The following SLC35F4 variants were observed in gnomAD, a reference collection of about 807,000 sequenced individuals.
SLC35F4 encodes solute carrier family 35 member F4.
SLC35F4 carries 24 observed loss-of-function variants against 44.2 expected under a neutral mutation model. That is an observed-to-expected ratio of 0.54 (90% CI 0.39 to 0.76). The LOEUF (loss-of-function observed/expected upper bound fraction) is 0.76. Among genes scored for constraint, SLC35F4 ranks in the 30% least tolerant of loss-of-function variants. The pLI, the probability that SLC35F4 is intolerant of heterozygous loss-of-function variation, is 0.00. For synonymous variants in SLC35F4, 238 were observed against 223.6 expected (o/e 1.06, Z -0.57); for missense variants, 562 against 586.1 (o/e 0.96, Z 0.42).
Position 57,569,821 on chromosome 14 carries a change from C to T in SLC35F4, c.1093G>A (p.Gly365Ser). The T allele has an allele frequency of 6.2e-7, 1 of 1,610,840 alleles. No individual in the cohort carries two copies. The highest frequency in any genetic ancestry group is 2.2e-5 in the East Asian group (1 of 44,710). Residue 365 changes from glycine to serine, a missense_variant, in exon 6 of 8, where the codon GGC becomes AGC. Gly to Ser is a moderately conservative substitution (Grantham distance 56, BLOSUM62 0). Transcript: ENST00000556826. ...HWSSFAALPW[G>S]CLCGMAGLWL... is the part of the protein sequence containing the mutation. Reference sequence around the variant, plus strand: ...AGCCCTGCCATCCCACAGAGACAGCCCCATGGCAGAGCAGCAAAAGAGGAC... The same window carrying T: ...AGCCCTGCCATCCCACAGAGACAGCTCCATGGCAGAGCAGCAAAAGAGGAC...
At position 57,967,492 on chromosome 14, in the gene SLC35F4, C is replaced by CAACTT. The variant is rs1880908567; in HGVS notation, n.282+14416_282+14420dup. 3.9e-5 allele frequency among the ~76,000 whole-genome samples: 6 copies of CAACTT among 152,330 alleles called. 1 individual carries two copies. The South Asian group carries it at 1.0e-3, about 26-fold the overall frequency. ...GTATCATACTGTACACAGTCTTCTA[C>CAACTT]AACTTAACTTTTTTCTCCATTAGGC... On this transcript the variant is annotated intron_variant and non_coding_transcript_variant, in intron 1 of 1. Transcript: ENST00000556568.
At chr14:57,598,606 C>T (rs1278488547) in intron 1 of SLC35F4, among the ~76,000 whole-genome samples, 1 of 152,176 alleles carries the variant, frequency 6.6e-6, no homozygotes, top group African/African-American at 2.4e-5. Context: ...TCAAATGTCT[C>T]CATGCGAACA....
At chr14:57,798,265 T>A (rs1177636176) in intron 1 of SLC35F4, among the ~76,000 whole-genome samples, 4 of 152,168 alleles carry the variant, frequency 2.6e-5, no homozygotes, top group Non-Finnish European at 5.9e-5. Context: ...CTAGAGGACC[T>A]GAGAGGCTAA....
intron 1 of SLC35F4, among the ~76,000 whole-genome samples, chr14:57,786,001 A>G (rs1483637004): frequency 6.6e-6 from 1 of 152,110 alleles, no homozygotes; most frequent in Non-Finnish European, 1.5e-5. Flanking sequence ...TGGCAGCTGG[A>G]AGACGGGTAA....
intron 1 of SLC35F4, among the ~76,000 whole-genome samples, chr14:57,939,318 C>T (rs533069067): frequency 6.6e-6 from 1 of 152,284 alleles, no homozygotes; most frequent in Admixed American, 6.5e-5. Flanking sequence ...GACCTCAAAG[C>T]AGTCCCTAGA....
In SLC35F4 at chr14:57,647,042, C is replaced by T. The variant is rs76565685; in HGVS notation, c.104-52918G>A. ...TTGCTGAGGAGTGCTTTACTTCCAA[C>T]TATGTGGTCAATTTTGGAATAGGTG... On this transcript the variant is annotated intron_variant, in intron 1 of 7. Transcript: ENST00000556826. 1.1e-3 allele frequency among the ~76,000 whole-genome samples: 169 copies of T among 152,188 alleles called. 3 individuals are homozygous for T. The East Asian group carries it at 0.031, about 28-fold the overall frequency.
chr14:57,952,488 T>C (rs1890159258), intron 1 of SLC35F4, among the ~76,000 whole-genome samples: 1 of 151,916 alleles, frequency 6.6e-6, no homozygotes, highest in African/African-American at 2.4e-5. Context: ...AACAAACTCC[T>C]CTGAGCTAAA....
At chr14:57,864,555 A>T (rs1887960369) in intron 1 of SLC35F4, among the ~76,000 whole-genome samples, 2 of 152,192 alleles carry the variant, frequency 1.3e-5, no homozygotes, top group Non-Finnish European at 2.9e-5. Flanking sequence ...ATGGTAGGGG[A>T]GAAAGTTACA....
intron 1 of SLC35F4, among the ~76,000 whole-genome samples, chr14:57,632,010 ACT>A (rs1470654565): frequency 6.6e-6 from 1 of 152,092 alleles, no homozygotes; most frequent in East Asian, 1.9e-4. Flanking sequence ...GTTCTGAAAT[ACT>A]GTTTGTGGAA....
chr14:57,665,416 C>T (rs2074274486), intron 1 of SLC35F4, among the ~76,000 whole-genome samples: 1 of 152,122 alleles, frequency 6.6e-6, no homozygotes, highest in African/African-American at 2.4e-5. Flanking sequence ...CTTCACAATC[C>T]TATGAGGCAA....
chr14:57,665,017 A>G (rs1289602457), intron 1 of SLC35F4, among the ~76,000 whole-genome samples: 1 of 152,188 alleles, frequency 6.6e-6, no homozygotes, highest in Non-Finnish European at 1.5e-5. Context: ...TGTTTTAACA[A>G]CATGCTTCCA....
chr14:57,839,438 A>G (rs1367169362), intron 1 of SLC35F4, among the ~76,000 whole-genome samples: 1 of 152,222 alleles, frequency 6.6e-6, no homozygotes, highest in Non-Finnish European at 1.5e-5. Flanking sequence ...GCAGAGACAT[A>G]GATGGAGCTG....
intron 1 of SLC35F4, among the ~76,000 whole-genome samples, chr14:57,611,592 A>AC (rs1555360599): frequency 1.3e-4 from 10 of 78,608 alleles, no homozygotes; most frequent in African/African-American, 2.9e-4. Flanking sequence ...AGTTAAAAAA[A>AC]AAAAAACAAA....
At chr14:57,892,399 A>G (rs1888788622) in intron 1 of SLC35F4, among the ~76,000 whole-genome samples, 2 of 152,206 alleles carry the variant, frequency 1.3e-5, no homozygotes, top group Non-Finnish European at 2.9e-5. Flanking sequence ...TCCAGGAGTG[A>G]CAATCTGACT....
intron 3 of SLC35F4, among the ~76,000 whole-genome samples, chr14:57,586,368 AAAAACTCGAGAAG>A (rs1228141523): frequency 6.6e-6 from 1 of 152,172 alleles, no homozygotes; most frequent in Non-Finnish European, 1.5e-5. Context: ...CTAAAACCAT[AAAAACTCGAGAAG>A]AAAACCTAGG....
intron 1 of SLC35F4, among the ~76,000 whole-genome samples, chr14:57,683,772 T>C (rs1287078659): frequency 2.0e-5 from 3 of 152,160 alleles, no homozygotes; most frequent in East Asian, 1.9e-4. Context: ...TCCCTGGTCA[T>C]AGACTAGACT....
chr14:57,676,230 C>T (rs1401087994), intron 1 of SLC35F4, among the ~76,000 whole-genome samples: 3 of 152,064 alleles, frequency 2.0e-5, no homozygotes, highest in Admixed American at 6.6e-5. Context: ...TACATATATA[C>T]CATGGAATAC....
At chr14:57,605,835 T>C (rs1299364093) in intron 1 of SLC35F4, among the ~76,000 whole-genome samples, 2 of 151,830 alleles carry the variant, frequency 1.3e-5, no homozygotes, top group African/African-American at 2.4e-5. Flanking sequence ...CTGAAAACCA[T>C]TATCCTAAGC....
chr14:57,906,123 G>C (rs1169198335), intron 1 of SLC35F4, among the ~76,000 whole-genome samples: 2 of 151,988 alleles, frequency 1.3e-5, no homozygotes, highest in African/African-American at 4.8e-5. Context: ...ACCTTGACAG[G>C]GTATACTTTC....
Sources: allele counts gnomAD v4.1 joint callset (sites outside exome capture counted in the v4.1 genomes callset), GRCh38; gene constraint gnomAD v4.1.1; transcripts MANE v1.5; gene names NCBI Gene and HGNC (gene_info 2026-07-23, HGNC 2026-07-21).